Variants in FMN2 observed in about 807,000 individuals in gnomAD.
The protein encoded by FMN2 is formin-2.
Under a neutral mutation model 142.3 loss-of-function variants are expected in FMN2, and 51 were observed. The ratio of observed to expected loss-of-function variants is 0.36; its 90% CI spans 0.29 to 0.45. The LOEUF is 0.45. Among genes scored for constraint, FMN2 ranks in the 20% least tolerant of loss-of-function variants. The probability of loss-of-function intolerance (pLI) is 1.00; values close to 1 mark genes in which losing one functional copy is unlikely to be tolerated. For missense variants in FMN2, 1,936 were observed against 2,122.8 expected, an observed-to-expected ratio of 0.91 and a Z score of 1.73; for synonymous variants, 882 against 869.8, an observed-to-expected ratio of 1.01 and a Z score of -0.25.
chr1:240,320,612 T>C (rs1161457205), intron 8 of FMN2, among the ~76,000 whole-genome samples: 1 of 152,190 alleles, frequency 6.6e-6, no homozygotes, highest in East Asian at 1.9e-4. Flanking sequence ...TCTTTAAAGA[T>C]GTGATGACCA....
chr1:240,364,718 C>G (rs571656589), intron 14 of FMN2, among the ~76,000 whole-genome samples: 1 of 152,126 alleles, frequency 6.6e-6, no homozygotes, highest in African/African-American at 2.4e-5. Context: ...TATTTCCAGT[C>G]GGATGCTCCC....
intron 10 of FMN2, among the ~76,000 whole-genome samples, chr1:240,330,216 C>T (rs1236899555): frequency 1.3e-5 from 2 of 152,166 alleles, no homozygotes; most frequent in Non-Finnish European, 2.9e-5. Flanking sequence ...CAGACGTAGG[C>T]ACCATTAAGA....
chr1:240,456,424 T>C (rs929393811), intron 16 of FMN2, among the ~76,000 whole-genome samples: 3 of 152,218 alleles, frequency 2.0e-5, no homozygotes, highest in African/African-American at 4.8e-5. Context: ...TCCATATTCC[T>C]ATCTGAAACT....
At position 240,093,617 on chromosome 1, in the gene FMN2, T is replaced by C; in HGVS notation, c.1508T>C (p.Leu503Pro). The stretch of plus-strand genomic sequence containing the variant: ...CGGGTGGGAGGCTCCGCGCACCTGC[T>C]GGAGCGCGGGGTGGCGAGTGACAGC... ...TPRVGGSAHL[L>P]ERGVASDSGG... Residue 503 changes from leucine to proline, a missense_variant, in exon 1 of 18, where the codon CTG becomes CCG. By Grantham distance (98) the Leu-to-Pro change is moderately conservative (BLOSUM62 -3). Coordinates refer to ENST00000319653, the MANE Select transcript of FMN2 (RefSeq NM_020066.5). 7.0e-7 allele frequency: 1 copy of C among 1,425,698 alleles called. No homozygotes were observed. Among genetic ancestry groups the C allele is most frequent in the South Asian group, 1.6e-5 (1 of 63,414 alleles). The allele number at this position is 1,425,698 out of a possible 1,614,324, so 88.3% of individuals were successfully genotyped here. A position where few individuals can be genotyped will look rare whatever the true frequency, so the allele number is the denominator to read the frequency against.
chr1:240,152,571 C>T (rs1022250034), intron 2 of FMN2, among the ~76,000 whole-genome samples: 4 of 152,296 alleles, frequency 2.6e-5, no homozygotes, highest in African/African-American at 7.2e-5. Flanking sequence ...CTTCTTCTTA[C>T]GCTTGTTCCC....
intron 14 of FMN2, among the ~76,000 whole-genome samples, chr1:240,386,284 C>T (rs1442935049): frequency 6.6e-6 from 1 of 152,118 alleles, no homozygotes; most frequent in Non-Finnish European, 1.5e-5. Flanking sequence ...AAAAATATCC[C>T]ATACTGGCTG....
At chr1:240,357,032 A>G (rs1033314870) in intron 14 of FMN2, among the ~76,000 whole-genome samples, 1 of 152,220 alleles carries the variant, frequency 6.6e-6, no homozygotes, top group Non-Finnish European at 1.5e-5. Flanking sequence ...TGTAGTAAAT[A>G]TTAGGGAACA....
chr1:240,244,600 T>C (rs1194115501), intron 6 of FMN2, among the ~76,000 whole-genome samples: 1 of 152,258 alleles, frequency 6.6e-6, no homozygotes, highest in African/African-American at 2.4e-5. Flanking sequence ...ACAGAAGATA[T>C]TATCTTGCAG....
chr1:240,159,929 A>G (rs1263953289), intron 2 of FMN2, among the ~76,000 whole-genome samples: 1 of 117,496 alleles, frequency 8.5e-6, no homozygotes, highest in African/African-American at 3.0e-5. Context: ...ATATATATAT[A>G]TATTTGTGTA....
At chr1:240,186,682 A>C (rs1463425643) in intron 3 of FMN2, among the ~76,000 whole-genome samples, 2 of 152,142 alleles carry the variant, frequency 1.3e-5, no homozygotes, top group Admixed American at 1.3e-4. Flanking sequence ...GCCCTATGGA[A>C]GAAGCATGAC....
At chr1:240,377,600 T>C (rs1673088949) in intron 14 of FMN2, among the ~76,000 whole-genome samples, 1 of 152,142 alleles carries the variant, frequency 6.6e-6, no homozygotes, top group African/African-American at 2.4e-5. Flanking sequence ...GTTTATGGCT[T>C]CTAGCTATCT....
intron 2 of FMN2, among the ~76,000 whole-genome samples, chr1:240,128,879 T>G (rs1662619858): frequency 6.6e-6 from 1 of 152,118 alleles, no homozygotes; most frequent in African/African-American, 2.4e-5. Context: ...GAATTCATTT[T>G]TTTTTCTTTT....
At chr1:240,250,428 G>C (rs534900132) in intron 6 of FMN2, among the ~76,000 whole-genome samples, 2 of 152,110 alleles carry the variant, frequency 1.3e-5, no homozygotes, top group African/African-American at 2.4e-5. Flanking sequence ...TTGCATCCCT[G>C]GGATAAATCC....
rs185951466 is a variant in FMN2, at chr1:240,259,485, C to T, written c.4153+1453C>T. 2.3e-4 allele frequency among the ~76,000 whole-genome samples: 20 copies of T among 86,806 alleles called. No homozygotes were observed. The East Asian group carries it at 0.01, about 45-fold the overall frequency. The allele number at this position is 86,806 out of a possible 152,430, so 56.9% of individuals were successfully genotyped here. Reference sequence around the variant, plus strand: ...GCTTTAGTCCCTTTGAAACCCTGTACACTTTTTTTTTTTTTTTTTTAATAT... The same window carrying T: ...GCTTTAGTCCCTTTGAAACCCTGTATACTTTTTTTTTTTTTTTTTTAATAT... On this transcript the variant is annotated intron_variant, in intron 7 of 17. Transcript: ENST00000319653.
intron 16 of FMN2, among the ~76,000 whole-genome samples, chr1:240,462,766 GATAA>G (rs1170097780): frequency 6.6e-6 from 1 of 152,162 alleles, no homozygotes; most frequent in Non-Finnish European, 1.5e-5. Flanking sequence ...TAAAGACACA[GATAA>G]ATAGTCAGAA....
At chr1:240,274,639 A>G (rs914581682) in intron 7 of FMN2, among the ~76,000 whole-genome samples, 2 of 151,994 alleles carry the variant, frequency 1.3e-5, no homozygotes, top group African/African-American at 4.8e-5. Context: ...AGTGCAGAAT[A>G]TCAAGAAGAA....
At chr1:240,270,195 A>G (rs754909908) in intron 7 of FMN2, among the ~76,000 whole-genome samples, 9 of 152,052 alleles carry the variant, frequency 5.9e-5, no homozygotes, top group Non-Finnish European at 8.8e-5. Context: ...TCATATTAAG[A>G]AACATTCTGT....
At chr1:240,193,240 G>A (rs1314125043) in intron 4 of FMN2, among the ~76,000 whole-genome samples, 3 of 152,128 alleles carry the variant, frequency 2.0e-5, no homozygotes, top group Non-Finnish European at 4.4e-5. Context: ...AAGGAGGCTT[G>A]TCCTTTATTG....
intron 16 of FMN2, among the ~76,000 whole-genome samples, chr1:240,446,582 C>T (rs796292953): frequency 6.6e-6 from 1 of 151,914 alleles, no homozygotes; most frequent in Non-Finnish European, 1.5e-5. Context: ...TTATGTGGGC[C>T]GAAAACAAGA....
Sources: gnomAD v4.1 joint callset for allele counts (sites outside exome capture counted in the v4.1 genomes callset) on GRCh38, gnomAD v4.1.1 for gene constraint, MANE v1.5 for transcripts, NCBI Gene and HGNC (gene_info 2026-07-23, HGNC 2026-07-21) for gene names.